The following ATP11B variants were observed in gnomAD, a reference collection of about 807,000 sequenced individuals.
The protein encoded by ATP11B is ATPase phospholipid transporting 11B (putative), also known as phospholipid-transporting ATPase IF.
ATP11B carries 81 observed loss-of-function variants against 157.8 expected under a neutral mutation model. The ratio of observed to expected loss-of-function variants is 0.51; its 90% CI spans 0.43 to 0.62. ATP11B has a LOEUF of 0.62. ATP11B is among the 20% of genes least tolerant of loss of function. The pLI, the probability that ATP11B is intolerant of heterozygous loss-of-function variation, is 0.00. For missense variants in ATP11B, 1,165 were observed against 1,402.2 expected, an observed-to-expected ratio of 0.83 and a Z score of 2.70; for synonymous variants, 451 against 469.4, an observed-to-expected ratio of 0.96 and a Z score of 0.51.
chr3:182,841,989 A>C (rs1719072848), intron 7 of ATP11B, 86 bp from the exon 8 acceptor site: 1 of 860,704 alleles, frequency 1.2e-6, no homozygotes, highest in African/African-American at 1.7e-5. Flanking sequence ...AAAAAAAAAA[A>C]AAAAAAAACA....
At chr3:182,864,607 A>G (rs1434626042) in intron 12 of ATP11B, among the ~76,000 whole-genome samples, 2 of 152,074 alleles carry the variant, frequency 1.3e-5, no homozygotes, top group East Asian at 3.9e-4. Context: ...TTCTGGGATA[A>G]ATCCCACATA....
At chr3:182,838,762 G>A (rs1718759778) in intron 7 of ATP11B, among the ~76,000 whole-genome samples, 1 of 146,488 alleles carries the variant, frequency 6.8e-6, no homozygotes, top group South Asian at 2.1e-4. Flanking sequence ...TTATGTGCTT[G>A]TAACACATAT....
chr3:182,914,412 C>G (rs1001136715), intron 29 of ATP11B: 2 of 985,586 alleles, frequency 2.0e-6, no homozygotes, highest in Non-Finnish European at 2.4e-6. Context: ...AAGTCAAAGG[C>G]TTTCCTTTTC....
intron 10 of ATP11B, among the ~76,000 whole-genome samples, chr3:182,855,751 C>G (rs1720346313): frequency 6.6e-6 from 1 of 152,096 alleles, no homozygotes; most frequent in Admixed American, 6.5e-5. Flanking sequence ...ATACATATTT[C>G]ACCAGAGAAA....
intron 19 of ATP11B, among the ~76,000 whole-genome samples, chr3:182,876,892 G>A (rs1722080537): frequency 6.6e-6 from 1 of 152,112 alleles, no homozygotes; most frequent in Admixed American, 6.6e-5. Flanking sequence ...ATATTTTAGA[G>A]GTATCTTTTG....
intron 13 of ATP11B, 61 bp from the exon 14 acceptor site, chr3:182,866,207 G>A (rs1721219226): frequency 1.5e-6 from 2 of 1,309,552 alleles, no homozygotes; most frequent in South Asian, 1.9e-5. Flanking sequence ...TTTGCCTCTG[G>A]TTTCCTAAAT....
At chr3:182,855,601 T>C (rs1169582855) in intron 10 of ATP11B, among the ~76,000 whole-genome samples, 1 of 152,144 alleles carries the variant, frequency 6.6e-6, no homozygotes, top group Non-Finnish European at 1.5e-5. Flanking sequence ...AGCTACAGAC[T>C]GGGGAAAAAT....
chr3:182,813,286 C>G (rs1024777560), intron 1 of ATP11B, among the ~76,000 whole-genome samples: 14 of 152,176 alleles, frequency 9.2e-5, no homozygotes, highest in Non-Finnish European at 2.9e-5. Flanking sequence ...TTTTGAGAAA[C>G]TGCCATACCA....
chr3:182,894,367 G>A (rs577139871), intron 25 of ATP11B, among the ~76,000 whole-genome samples: 1 of 152,264 alleles, frequency 6.6e-6, no homozygotes, highest in East Asian at 1.9e-4. Context: ...TGTATTTTTA[G>A]TAGAGACAGG....
intron 1 of ATP11B, among the ~76,000 whole-genome samples, chr3:182,807,369 C>T (rs1716389643): frequency 1.3e-5 from 2 of 152,158 alleles, no homozygotes; most frequent in African/African-American, 2.4e-5. Context: ...TCAAGAGTTT[C>T]TAGTCCAGCC....
intron 7 of ATP11B, among the ~76,000 whole-genome samples, chr3:182,840,883 G>T (rs1396517710): frequency 1.3e-5 from 2 of 152,152 alleles, no homozygotes; most frequent in African/African-American, 4.8e-5. Context: ...CTTTTTAAAT[G>T]TAAGTCAGAT....
At chr3:182,800,270 G>C (rs1473999587) in intron 1 of ATP11B, among the ~76,000 whole-genome samples, 2 of 151,442 alleles carry the variant, frequency 1.3e-5, no homozygotes, top group African/African-American at 2.4e-5. Context: ...CTCCCAGGCT[G>C]TACTGCAGTG....
chr3:182,865,504 A>G lies in ATP11B; in HGVS notation c.1249A>G (p.Met417Val). ...DKTGTLTENE[M>V]QFRECSINGM... ...AACTGGTACACTGACAGAAAATGAG[A>G]TGCAGTTTCGGGAATGTTCAATTAA... Residue 417 changes from methionine (M) to valine (V), a missense_variant, in exon 13 of 30, where the codon ATG becomes GTG. Around this residue, in one of 4 missense-constraint regions of ATP11B, gnomAD observed 737 missense variants for 930.5 expected, o/e 0.79. Transcript: ENST00000323116. 6.2e-7 allele frequency: 1 copy of G among 1,613,608 alleles called. No homozygotes were observed. The highest frequency in any genetic ancestry group is 8.5e-7 in the Non-Finnish European group (1 of 1,179,634).
At chr3:182,910,192 G>A (rs1349812528) in intron 28 of ATP11B, among the ~76,000 whole-genome samples, 1 of 150,974 alleles carries the variant, frequency 6.6e-6, no homozygotes, top group Non-Finnish European at 1.5e-5. Context: ...AAAGTGATCT[G>A]AAGAAGTCAT....
chr3:182,862,947 ACT>A (rs1720955341), intron 12 of ATP11B, among the ~76,000 whole-genome samples: 1 of 151,132 alleles, frequency 6.6e-6, no homozygotes, highest in Non-Finnish European at 1.5e-5. Context: ...ACAGAGTCTC[ACT>A]CTGTCTCCCA....
At chr3:182,823,081 G>A (rs2108500663) in intron 2 of ATP11B, among the ~76,000 whole-genome samples, 1 of 152,254 alleles carries the variant, frequency 6.6e-6, no homozygotes, top group South Asian at 2.1e-4. Context: ...TCACTCTGAT[G>A]GCAGTTTCTT....
intron 14 of ATP11B, 59 bp from the exon 15 acceptor site, chr3:182,867,317 A>C: frequency 2.1e-6 from 2 of 960,738 alleles, no homozygotes; most frequent in Non-Finnish European, 3.3e-6. Context: ...CTATAGTGAC[A>C]TTGTGAAATA....
chr3:182,859,008 T>G (rs1164416496), intron 11 of ATP11B, among the ~76,000 whole-genome samples, 154 bp from the exon 12 acceptor site: 1 of 152,136 alleles, frequency 6.6e-6, no homozygotes, highest in Non-Finnish European at 1.5e-5. Context: ...AAAAAGACAA[T>G]TCAATAAATG....
At position 182,867,413 on chromosome 3, in the gene ATP11B, A is replaced by G. The variant is rs759009161; in HGVS notation, c.1657A>G (p.Met553Val). The G allele has an allele frequency of 7.6e-5, 123 of 1,611,258 alleles. 4 individuals carry two copies. In the South Asian group the frequency reaches 1.0e-3, roughly 13 times the overall value. ...GTTTATTGGCAATTCTGAAGAAACT[A>G]TGGAGGTTAAAACTCTTGGAAAACT... ...IVFIGNSEET[M>V]EVKTLGKLER... Residue 553 changes from methionine to valine, a missense_variant, in exon 15 of 30, where the codon ATG becomes GTG. Coordinates refer to ENST00000323116, the MANE Select transcript of ATP11B (RefSeq NM_014616.3).
Sources: allele counts gnomAD v4.1 joint callset (sites outside exome capture counted in the v4.1 genomes callset), GRCh38; gene constraint gnomAD v4.1.1; regional missense constraint gnomAD v4.1.1; transcripts MANE v1.5; gene names NCBI Gene and HGNC (gene_info 2026-07-23, HGNC 2026-07-21).